The following RRM2 variants were observed in gnomAD, a reference collection of about 807,000 sequenced individuals.
RRM2 encodes the protein ribonucleotide reductase regulatory subunit M2.
A neutral mutation model predicts 45.9 loss-of-function variants in RRM2; 6 were observed. The observed-to-expected ratio is 0.13, with a 90% CI of 0.07 to 0.26. The LOEUF (loss-of-function observed/expected upper bound fraction) is 0.26, where lower values mean the gene tolerates loss of function less well. Among genes scored for constraint, RRM2 ranks in the 10% least tolerant of loss-of-function variants. RRM2 has a pLI of 1.00. For synonymous variants in RRM2, 177 were observed against 173.0 expected, an observed-to-expected ratio of 1.02 and a Z score of -0.18; for missense variants, 343 against 489.5, an observed-to-expected ratio of 0.70 and a Z score of 2.82.
At chr2:10,180,015 C>A (rs1025723376) in intron 3 of RRM2, among the ~76,000 whole-genome samples, 2 of 152,210 alleles carry the variant, frequency 1.3e-5, no homozygotes, top group African/African-American at 4.8e-5. Context: ...GCGGCCCCAC[C>A]AATGACTTTC....
rs753472432 is a variant in RRM2 at position 10,128,933 on chromosome 2, A to G, written c.884A>G (p.Asn295Ser). ...GAGAGAGTAAGAGAAATAATTATCA[A>G]TGCTGTTCGGATAGAACAGGTAAAG... Reference protein sequence around the residue: ...SEERVREIIINAVRIEQEFLT... With the variant: ...SEERVREIIISAVRIEQEFLT... Residue 295 changes from asparagine (N) to serine (S), a missense_variant, in exon 8 of 10, where the codon AAT becomes AGT. Asn to Ser is a conservative substitution (Grantham distance 46, BLOSUM62 1). Coordinates refer to ENST00000304567, the MANE Select transcript of RRM2 (RefSeq NM_001034.4). 105 of 1,613,754 alleles carry G rather than the reference A, an allele frequency of 6.5e-5. No homozygotes were observed. Among genetic ancestry groups the G allele is most frequent in the South Asian group, 3.3e-4 (30 of 91,076 alleles).
intron 3 of RRM2, among the ~76,000 whole-genome samples, chr2:10,210,064 G>A (rs573358876): frequency 7.0e-4 from 107 of 152,180 alleles, no homozygotes; most frequent in Non-Finnish European, 1.4e-3. Flanking sequence ...GCCCTCCCTC[G>A]GGTGAACAAG....
chr2:10,123,211 C>T, intron 2 of RRM2, 154 bp downstream of exon 2: 1 of 1,280,120 alleles, frequency 7.8e-7, no homozygotes, highest in South Asian at 1.5e-5. Context: ...CCCCTCGGCC[C>T]ATTTCCCGGT....
chr2:10,209,707 G>A (rs1011260490), intron 3 of RRM2, among the ~76,000 whole-genome samples: 4 of 152,170 alleles, frequency 2.6e-5, no homozygotes, highest in African/African-American at 4.8e-5. Flanking sequence ...TCAGTGGGAA[G>A]TGGTGCCCCA....
chr2:10,144,309 G>A (rs543947447), intron 3 of RRM2, among the ~76,000 whole-genome samples: 9 of 152,346 alleles, frequency 5.9e-5, no homozygotes, highest in Non-Finnish European at 1.0e-4. Context: ...TCTCAGATAC[G>A]CTTGCTAATG....
At chr2:10,147,097 C>T (rs897666140) in intron 3 of RRM2, among the ~76,000 whole-genome samples, 3 of 152,030 alleles carry the variant, frequency 2.0e-5, no homozygotes, top group African/African-American at 7.3e-5. Context: ...GGATTACAGG[C>T]GCGCACTACC....
In RRM2 at chr2:10,130,484, C is replaced by CCTGTAGTT. The variant is rs1403118820; in HGVS notation, c.*1100_*1107dup. ...ATTATCTATGTTCTTCTAGATTTTA[C>CCTGTAGTT]CTGTAGTTCATACTTCAGTCACCCA... On this transcript the variant is annotated 3_prime_UTR_variant, in exon 10 of 10. Coordinates refer to ENST00000304567, the MANE Select transcript of RRM2 (RefSeq NM_001034.4). 1.3e-5 allele frequency: 2 copies of CCTGTAGTT among 152,036 alleles called. No individual in the cohort carries two copies. Among genetic ancestry groups the CCTGTAGTT allele is most frequent in the African/African-American group, 4.8e-5 (2 of 41,390 alleles). The allele number at this position is 152,036 out of a possible 1,614,324, so 9.4% of individuals were successfully genotyped here.
rs1279108006 is a variant in RRM2, at chr2:10,205,665, G to A, written n.483-4646G>A. ...GATGGAAAACAAACACACAGTTTGA[G>A]AGGGTCCTTTTTATTTTTATTTTAT... On this transcript the variant is annotated intron_variant and non_coding_transcript_variant, in intron 3 of 3. Coordinates refer to the RRM2 transcript ENST00000381786. This position sits in a 1 kb window ranked among gnomAD's most constrained non-coding sequence, Gnocchi z 4.8. 6.6e-6 allele frequency among the ~76,000 whole-genome samples: 1 copy of A among 152,098 alleles called. No homozygotes were observed. The highest frequency in any genetic ancestry group is 2.4e-5 in the African/African-American group (1 of 41,420).
At chr2:10,167,149 C>T (rs1663699655) in intron 3 of RRM2, among the ~76,000 whole-genome samples, 2 of 152,250 alleles carry the variant, frequency 1.3e-5, no homozygotes, top group Non-Finnish European at 2.9e-5. Context: ...TCTCCCACCC[C>T]TGCGTGGCAC....
chr2:10,127,423 T>C lies in RRM2; in HGVS notation c.798+203T>C, dbSNP rs1270801212. On this transcript the variant is annotated intron_variant, in intron 7 of 9. Coordinates refer to ENST00000304567, the MANE Select transcript of RRM2 (RefSeq NM_001034.4). The surrounding 1 kb of genome is among the most constrained non-coding windows in gnomAD (Gnocchi z 4.1). ...TACTTGCATTCTCAATATATTGTAA[T>C]ACATTTGTACATATGTATTCCCCTA... The C allele has an allele frequency of 1.7e-6, 1 of 584,188 alleles. No homozygotes were observed. Among genetic ancestry groups the C allele is most frequent in the African/African-American group, 1.9e-5 (1 of 53,788 alleles). The allele number at this position is 584,188 out of a possible 1,614,324, so 36.2% of individuals were successfully genotyped here.
chr2:10,142,886 G>A (rs1273984992), intron 3 of RRM2, among the ~76,000 whole-genome samples: 1 of 152,100 alleles, frequency 6.6e-6, no homozygotes, highest in Non-Finnish European at 1.5e-5. Context: ...TGTTTTGTTT[G>A]GTTTTGAGAC....
chr2:10,210,720 G>A (rs919436568), exon 4 of RRM2: 2 of 787,388 alleles, frequency 2.5e-6, no homozygotes, highest in Admixed American at 2.9e-5. Context: ...CCCACAGGGT[G>A]GAGCACTGTG....
rs1664522351 is a variant in RRM2, at chr2:10,200,379, T to C, written n.483-9932T>C. 3.3e-5 allele frequency among the ~76,000 whole-genome samples: 5 copies of C among 150,596 alleles called. No homozygotes were observed. In the South Asian group the frequency reaches 1.1e-3, roughly 32 times the overall value. ...GTGACATTCCTTTACTTACCTCAGG[T>C]CAGAAACCTGCACAGGGACTGCGCG... is the stretch of plus-strand genomic sequence containing the variant. On this transcript the variant is annotated intron_variant and non_coding_transcript_variant, in intron 3 of 3. Coordinates refer to the RRM2 transcript ENST00000381786.
rs777829380 is a variant in RRM2 at position 10,123,370 on chromosome 2, A to G, written c.175-17A>G. 1.6e-5 allele frequency: 25 copies of G among 1,594,040 alleles called. No individual in the cohort carries two copies. Among genetic ancestry groups the G allele is most frequent in the Non-Finnish European group, 1.6e-5 (19 of 1,174,450 alleles). ...GGTTCGCCCGGTACTTAAATGTTTTATTTTCTCCCCCAACAGAAAACTAAA... is the reference window on the plus strand; with the variant it reads ...GGTTCGCCCGGTACTTAAATGTTTTGTTTTCTCCCCCAACAGAAAACTAAA... On this transcript the variant is annotated splice_polypyrimidine_tract_variant and intron_variant, in intron 2 of 9. Coordinates refer to ENST00000304567, the MANE Select transcript of RRM2 (RefSeq NM_001034.4).
At chr2:10,123,146 C>A in intron 2 of RRM2, 89 bp downstream of exon 2, 1 of 1,408,200 alleles carries the variant, frequency 7.1e-7, no homozygotes, top group South Asian at 1.4e-5. Flanking sequence ...TGTTCACACT[C>A]CCGCCCCGGC....
At chr2:10,183,854 C>G (rs150657931) in intron 3 of RRM2, among the ~76,000 whole-genome samples, 24,004 of 150,538 alleles carry the variant, frequency 0.16, 2,334 homozygotes, top group Non-Finnish European at 0.21. Flanking sequence ...CTTTGGGAGG[C>G]CGAGGCGGGC....
intron 3 of RRM2, among the ~76,000 whole-genome samples, chr2:10,202,010 CTT>C (rs1558407507): frequency 6.6e-6 from 1 of 152,240 alleles, no homozygotes; most frequent in East Asian, 1.9e-4. Flanking sequence ...TTTTTATAGA[CTT>C]TTTATAGCCC....
intron 3 of RRM2, among the ~76,000 whole-genome samples, chr2:10,197,585 G>A (rs1039731346): frequency 2.0e-5 from 3 of 151,958 alleles, no homozygotes; most frequent in African/African-American, 7.3e-5. Flanking sequence ...TGCGGGGCGG[G>A]CACACCTGCA....
At chr2:10,126,165 A>T (rs917820824) in intron 5 of RRM2, among the ~76,000 whole-genome samples, 1 of 19,160 alleles carries the variant, frequency 5.2e-5, no homozygotes, top group African/African-American at 3.7e-4. Flanking sequence ...ATCTCTTTAA[A>T]AAAAAAAAAA....
Sources: allele counts gnomAD v4.1 joint callset (sites outside exome capture counted in the v4.1 genomes callset), GRCh38; gene constraint gnomAD v4.1.1; non-coding constraint Gnocchi (gnomAD v3.1); transcripts MANE v1.5; gene names NCBI Gene and HGNC (gene_info 2026-07-23, HGNC 2026-07-21).